Variants in KIAA0930 observed in about 807,000 individuals in gnomAD.
KIAA0930 encodes KIAA0930, also known as uncharacterized protein KIAA0930.
KIAA0930 carries 24 observed loss-of-function variants against 43.9 expected under a neutral mutation model. The ratio of observed to expected loss-of-function variants is 0.55; its 90% CI spans 0.40 to 0.77. KIAA0930 has a LOEUF of 0.77. KIAA0930 is among the 30% of genes least tolerant of loss of function. The probability of loss-of-function intolerance (pLI) is 0.00; values close to 1 mark genes in which losing one functional copy is unlikely to be tolerated. For synonymous variants in KIAA0930, 259 were observed against 216.4 expected, an observed-to-expected ratio of 1.20 and a Z score of -1.73; for missense variants, 461 against 574.2, an observed-to-expected ratio of 0.80 and a Z score of 2.02.
intron 1 of KIAA0930, chr22:45,213,280 C>T: frequency 7.7e-7 from 1 of 1,294,394 alleles, no homozygotes; most frequent in Non-Finnish European, 1.0e-6. Flanking sequence ...CAGCCCTCTG[C>T]CCTCTGCCCT....
intron 1 of KIAA0930, among the ~76,000 whole-genome samples, chr22:45,220,963 GCCTGCTCACTGGTCTCTGCGTTTCCAC>G (rs1160712177): frequency 6.9e-6 from 1 of 144,046 alleles, no homozygotes; most frequent in Non-Finnish European, 1.5e-5. Context: ...CACCATCACT[GCCTGCTCACTGGTCTCTGCGTTTCCAC>G]CCTGCCCACT....
At chr22:45,200,942 G>C (rs575670918) in intron 7 of KIAA0930, 6 of 494,904 alleles carry the variant, frequency 1.2e-5, no homozygotes, top group Non-Finnish European at 2.1e-5. Context: ...TGAAGGACGA[G>C]TAGGAGTTCG....
chr22:45,218,847 C>T (rs931962208), intron 1 of KIAA0930, among the ~76,000 whole-genome samples: 10 of 152,060 alleles, frequency 6.6e-5, no homozygotes, highest in South Asian at 6.2e-4. Context: ...GAGTCCCCAG[C>T]GGGGTGGGCT....
Position 45,193,484 on chromosome 22 carries a change from G to A in KIAA0930, c.*3692C>T, listed in dbSNP as rs372412554. 2 of 152,094 alleles carry A rather than the reference G, an allele frequency of 1.3e-5. No individual in the cohort carries two copies. Among genetic ancestry groups the A allele is most frequent in the African/African-American group, 4.8e-5 (2 of 41,402 alleles). 9.4% of individuals were successfully genotyped at this position (152,094 alleles called of 1,614,324 possible). A position where few individuals can be genotyped will look rare whatever the true frequency, so the allele number is the denominator to read the frequency against. On this transcript the variant is annotated 3_prime_UTR_variant, in exon 10 of 10. Transcript: ENST00000336156. ...GTCTTCTACTAACTAGTCTATTTAT[G>A]ATTAAAACAGCAAAAACAGATCCTG...
At chr22:45,211,299 C>G in intron 2 of KIAA0930, 1 of 398,126 alleles carries the variant, frequency 2.5e-6, no homozygotes, top group Admixed American at 4.4e-5. Context: ...AAACATTTTA[C>G]GAACAGCAAA....
intron 1 of KIAA0930, among the ~76,000 whole-genome samples, chr22:45,224,481 C>T (rs75822541): frequency 0.02 from 3,095 of 152,290 alleles, 104 homozygotes; most frequent in African/African-American, 0.07. Context: ...ATTTTACAAA[C>T]GAGGACATGG....
rs117136413 is a variant in KIAA0930, at chr22:45,236,380, C to T, written c.64+4260G>A. On this transcript the variant is annotated intron_variant, in intron 1 of 9. Transcript: ENST00000336156. ...TCTGAGCCAGGGATTACTCCAGCCT[C>T]GACTTATACAGCCCTGCTTAGAGCA... The T allele has an allele frequency of 5.3e-3, 806 of 152,368 alleles. 7 individuals carry two copies. The highest frequency in any genetic ancestry group is 0.02 in the Middle Eastern group (6 of 296). 9.4% of individuals were successfully genotyped at this position (152,368 alleles called of 1,614,324 possible).
intron 8 of KIAA0930, among the ~76,000 whole-genome samples, chr22:45,198,773 C>T (rs2083559751): frequency 4.6e-5 from 7 of 152,236 alleles, no homozygotes. Flanking sequence ...CCTCAGCCTC[C>T]TGAGTAGCTG....
intron 1 of KIAA0930, among the ~76,000 whole-genome samples, chr22:45,236,589 A>G (rs2083890017): frequency 6.6e-6 from 1 of 151,756 alleles, no homozygotes. Flanking sequence ...CTGCCACACA[A>G]CCTGGAACAC....
intron 1 of KIAA0930, among the ~76,000 whole-genome samples, chr22:45,214,562 G>T (rs1002880460): frequency 6.6e-6 from 1 of 152,174 alleles, no homozygotes; most frequent in Non-Finnish European, 1.5e-5. Context: ...GCCCTGAAAG[G>T]TTCTAGATCT....
intron 2 of KIAA0930, among the ~76,000 whole-genome samples, chr22:45,206,286 G>C (rs543813857): frequency 7.2e-5 from 11 of 152,264 alleles, no homozygotes; most frequent in African/African-American, 2.4e-4. Context: ...CAAAGTACTG[G>C]GATTACAGGT....
intron 1 of KIAA0930, among the ~76,000 whole-genome samples, chr22:45,227,440 G>A (rs1032491209): frequency 6.6e-6 from 1 of 152,200 alleles, no homozygotes; most frequent in Non-Finnish European, 1.5e-5. Flanking sequence ...GAAAAAAAGG[G>A]CATCGAACAT....
chr22:45,222,616 A>C (rs913655892), intron 1 of KIAA0930, among the ~76,000 whole-genome samples: 2 of 145,964 alleles, frequency 1.4e-5, no homozygotes, highest in Admixed American at 1.4e-4. Context: ...GCCAAAAATT[A>C]AAAATTTCTA....
chr22:45,209,595 C>T (rs1388455073), intron 2 of KIAA0930, among the ~76,000 whole-genome samples: 1 of 152,180 alleles, frequency 6.6e-6, no homozygotes, highest in Non-Finnish European at 1.5e-5. Flanking sequence ...CGCCAGATGT[C>T]ACCTTCTGCA....
At chr22:45,203,747 C>T in intron 6 of KIAA0930, 98 bp downstream of exon 6, 2 of 1,416,110 alleles carry the variant, frequency 1.4e-6, no homozygotes, top group East Asian at 2.5e-5. Flanking sequence ...CTACCATGCA[C>T]AAGCAGGCTG....
chr22:45,215,606 C>T (rs966806448), intron 1 of KIAA0930, among the ~76,000 whole-genome samples: 1 of 152,176 alleles, frequency 6.6e-6, no homozygotes, highest in Non-Finnish European at 1.5e-5. Context: ...AACCAAATCG[C>T]CACCAATCTT....
intron 4 of KIAA0930, among the ~76,000 whole-genome samples, 154 bp downstream of exon 4, chr22:45,205,476 G>A (rs1292862257): frequency 2.0e-5 from 3 of 152,148 alleles, no homozygotes; most frequent in Non-Finnish European, 4.4e-5. Context: ...TGTGCTCCTC[G>A]AATGGGATAC....
At chr22:45,214,039 T>C (rs1236975183) in intron 1 of KIAA0930, among the ~76,000 whole-genome samples, 2 of 151,750 alleles carry the variant, frequency 1.3e-5, no homozygotes, top group South Asian at 2.1e-4. Context: ...AAGCCAGGCA[T>C]GGTGGCAGGC....
intron 1 of KIAA0930, chr22:45,212,635 C>A (rs919167267): frequency 1.8e-6 from 2 of 1,086,578 alleles, no homozygotes; most frequent in East Asian, 2.9e-5. Context: ...AGACAGCACC[C>A]GCCCCACCCC....
Sources: gnomAD v4.1 joint callset for allele counts (sites outside exome capture counted in the v4.1 genomes callset) on GRCh38, gnomAD v4.1.1 for gene constraint, MANE v1.5 for transcripts, NCBI Gene and HGNC (gene_info 2026-07-23, HGNC 2026-07-21) for gene names.